Variants in FAM3C observed in about 807,000 individuals in gnomAD.
FAM3C encodes protein FAM3C.
Under a neutral mutation model 32.5 loss-of-function variants are expected in FAM3C, and 15 were observed. The observed-to-expected ratio is 0.46, with a 90% CI of 0.31 to 0.71. FAM3C has a LOEUF of 0.71. Ranked by LOEUF, FAM3C falls within the 30% of genes least tolerant of loss-of-function variation. The pLI is 0.05. For missense variants in FAM3C, 175 were observed against 274.4 expected (o/e 0.64, Z 2.56); for synonymous variants, 75 against 86.1 (o/e 0.87, Z 0.72).
At chr7:121,379,861 C>T (rs969097886) in intron 2 of FAM3C, among the ~76,000 whole-genome samples, 7 of 152,084 alleles carry the variant, frequency 4.6e-5, no homozygotes, top group African/African-American at 7.2e-5. Context: ...TTAAAAAATC[C>T]GAAAGAAACA....
chr7:121,378,829 G>A, intron 3 of FAM3C, 81 bp downstream of exon 3: 2 of 639,190 alleles, frequency 3.1e-6, no homozygotes, highest in Admixed American at 3.2e-5. Context: ...TTCTAGCACT[G>A]AGTGACTCAG....
At chr7:121,361,415 T>C (rs1021503815) in intron 7 of FAM3C, among the ~76,000 whole-genome samples, 1 of 152,194 alleles carries the variant, frequency 6.6e-6, no homozygotes, top group African/African-American at 2.4e-5. Context: ...AAAGTGGCAA[T>C]AAACTGCAAC....
intron 8 of FAM3C, among the ~76,000 whole-genome samples, chr7:121,353,532 C>T (rs560285378): frequency 9.2e-5 from 14 of 152,280 alleles, no homozygotes; most frequent in Admixed American, 3.3e-4. Context: ...CTTGGATTTG[C>T]GGAGGGCTCC....
intron 9 of FAM3C, among the ~76,000 whole-genome samples, 160 bp downstream of exon 9, chr7:121,350,983 G>A (rs766575834): frequency 2.6e-5 from 4 of 152,088 alleles, no homozygotes; most frequent in Admixed American, 6.6e-5. Flanking sequence ...TTAAAAGTAC[G>A]ATAGTTATTT....
intron 2 of FAM3C, among the ~76,000 whole-genome samples, chr7:121,379,513 C>T (rs1794308499): frequency 6.6e-6 from 1 of 152,154 alleles, no homozygotes; most frequent in African/African-American, 2.4e-5. Flanking sequence ...TCTCCTGGAG[C>T]TACATAAGCC....
In FAM3C at chr7:121,350,540, T is replaced by C. The variant is rs1458689153; in HGVS notation, c.605A>G (p.Asn202Ser). ...TTCATATTTGTTTGTATCCTTATTG[T>C]TCTTTATGTGCTATTGGAACACAGT... is the stretch of plus-strand genomic sequence containing the variant. ...TKSPFEQHIKNNKDTNKYEGW... is the reference protein window; with the variant it reads ...TKSPFEQHIKSNKDTNKYEGW... Residue 202 changes from asparagine (N) to serine (S), a missense_variant, in exon 10 of 10, where the codon AAC becomes AGC. Physicochemically the swap from Asn to Ser is conservative, Grantham distance 46 (BLOSUM62 1). Transcript: ENST00000359943. 1 of 1,612,948 alleles carries C rather than the reference T, an allele frequency of 6.2e-7. No individual in the cohort carries two copies. The highest frequency in any genetic ancestry group is 8.5e-7 in the Non-Finnish European group (1 of 1,179,350).
At chr7:121,380,842 C>A (rs989038551) in intron 2 of FAM3C, among the ~76,000 whole-genome samples, 2 of 151,416 alleles carry the variant, frequency 1.3e-5, no homozygotes, top group Non-Finnish European at 2.9e-5. Flanking sequence ...CTTTGCAAGG[C>A]ATTATTTTCC....
At chr7:121,392,516 TACAATTTGAGATG>T (rs1398888234) in intron 1 of FAM3C, among the ~76,000 whole-genome samples, 4 of 152,132 alleles carry the variant, frequency 2.6e-5, no homozygotes, top group African/African-American at 9.7e-5. Flanking sequence ...ACACAGGGAT[TACAATTTGAGATG>T]AGATTTGAGT....
rs753878994 is a variant in FAM3C, at chr7:121,351,128, G to A, written c.594+15C>T. 22 of 1,609,476 alleles carry A rather than the reference G, an allele frequency of 1.4e-5. No individual in the cohort carries two copies. Among genetic ancestry groups the A allele is most frequent in the Admixed American group, 3.4e-5 (2 of 59,498 alleles). On this transcript the variant is annotated intron_variant, in intron 9 of 9. Coordinates refer to ENST00000359943, the MANE Select transcript of FAM3C (RefSeq NM_014888.3). ...GAATTTGTTTTTGTTAATTCTGAGA[G>A]TCTATGACACTAACCTGTTCAAAAG...
chr7:121,385,768 T>C (rs1251637952), intron 1 of FAM3C, among the ~76,000 whole-genome samples: 2 of 152,154 alleles, frequency 1.3e-5, no homozygotes, highest in African/African-American at 4.8e-5. Context: ...AAAAATTATT[T>C]ACCAGGAGGG....
chr7:121,371,490 T>G, intron 4 of FAM3C, 67 bp from the exon 5 acceptor site: 1 of 1,498,538 alleles, frequency 6.7e-7, no homozygotes, highest in Non-Finnish European at 9.2e-7. Context: ...TCACTTTACT[T>G]CAAATCTCAA....
At chr7:121,375,481 A>C (rs1335864179) in intron 3 of FAM3C, among the ~76,000 whole-genome samples, 1 of 152,216 alleles carries the variant, frequency 6.6e-6, no homozygotes, top group Non-Finnish European at 1.5e-5. Flanking sequence ...TAGTAACTGG[A>C]AATACTAAAG....
At chr7:121,352,032 G>A (rs1013215702) in intron 8 of FAM3C, among the ~76,000 whole-genome samples, 4 of 151,880 alleles carry the variant, frequency 2.6e-5, no homozygotes, top group East Asian at 1.9e-4. Context: ...AGAAGAAGAA[G>A]AAAAAATTAA....
intron 8 of FAM3C, among the ~76,000 whole-genome samples, chr7:121,358,704 G>C (rs1239300294): frequency 6.6e-6 from 1 of 151,924 alleles, no homozygotes; most frequent in Non-Finnish European, 1.5e-5. Context: ...GAAATCACTG[G>C]AAGAGAAAAT....
At chr7:121,381,362 G>C (rs1794350798) in intron 2 of FAM3C, among the ~76,000 whole-genome samples, 1 of 152,090 alleles carries the variant, frequency 6.6e-6, no homozygotes, top group African/African-American at 2.4e-5. Flanking sequence ...TAAATTAATA[G>C]CTAATTGTCC....
rs140861518 is a variant in FAM3C at position 121,349,144 on chromosome 7, G to A, written c.*1317C>T. The A allele has an allele frequency of 0.035, 5,345 of 152,336 alleles. 186 individuals are homozygous for A. Among genetic ancestry groups the A allele is most frequent in the South Asian group, 0.14 (692 of 4,800 alleles). 9.4% of individuals were successfully genotyped at this position (152,336 alleles called of 1,614,324 possible). ...TTCATCAATATTTAAGAAATTATCC[G>A]AATAGCTTCCAACTTGGTTTACAGC... On this transcript the variant is annotated 3_prime_UTR_variant, in exon 10 of 10. Transcript: ENST00000359943.
At chr7:121,369,727 T>G in intron 5 of FAM3C, among the ~76,000 whole-genome samples, 1 of 152,206 alleles carries the variant, frequency 6.6e-6, no homozygotes, top group East Asian at 1.9e-4. Context: ...GACAGTGATG[T>G]GTACTCTGAG....
intron 9 of FAM3C, 52 bp from the exon 10 acceptor site, chr7:121,350,602 G>C: frequency 6.4e-7 from 1 of 1,567,328 alleles, no homozygotes; most frequent in Middle Eastern, 1.7e-4. Context: ...GTAAACTGCT[G>C]ATTTGCCGTA....
rs555188988 is a variant in FAM3C, at chr7:121,374,572, A to G, written c.119-2433T>C. 2.0e-4 allele frequency among the ~76,000 whole-genome samples: 31 copies of G among 152,346 alleles called. No individual in the cohort carries two copies. In the South Asian group the frequency reaches 6.0e-3, roughly 29 times the overall value. On this transcript the variant is annotated intron_variant, in intron 3 of 9. Coordinates refer to ENST00000359943, the MANE Select transcript of FAM3C (RefSeq NM_014888.3). Reference sequence around the variant, plus strand: ...ACTGGATTAAATATGTTAACCTTTCATATACTAAGATGTTAAACAAATGAC... The same window carrying G: ...ACTGGATTAAATATGTTAACCTTTCGTATACTAAGATGTTAAACAAATGAC...
Sources: allele counts gnomAD v4.1 joint callset (sites outside exome capture counted in the v4.1 genomes callset), GRCh38; gene constraint gnomAD v4.1.1; transcripts MANE v1.5; gene names NCBI Gene and HGNC (gene_info 2026-07-23, HGNC 2026-07-21).